The following ELMO2 variants were observed in gnomAD, a reference collection of about 807,000 sequenced individuals.
ELMO2 encodes engulfment and cell motility 2.
Under a neutral mutation model 96.2 loss-of-function variants are expected in ELMO2, and 37 were observed. That is an observed-to-expected ratio of 0.38 (90% CI 0.30 to 0.51). The LOEUF is 0.51. Among genes scored for constraint, ELMO2 ranks in the 20% least tolerant of loss-of-function variants. ELMO2 has a pLI of 0.88. For synonymous variants in ELMO2, 315 were observed against 329.4 expected (o/e 0.96, Z 0.47); for missense variants, 561 against 912.6 (o/e 0.61, Z 4.96).
rs139518627 is a variant in ELMO2, at chr20:46,382,264, C to A, written c.756+1152G>T. 3.0e-5 allele frequency: 39 copies of A among 1,289,776 alleles called. No homozygotes were observed. In the African/African-American group the frequency reaches 5.3e-4, roughly 18 times the overall value. 79.9% of individuals were successfully genotyped at this position (1,289,776 alleles called of 1,614,324 possible). On this transcript the variant is annotated intron_variant, in intron 10 of 21. Coordinates refer to ENST00000290246, the MANE Select transcript of ELMO2 (RefSeq NM_133171.5). ...GTCCTGCCGGCAGAAAGCAAAAGCA[C>A]AGAGAGAAGCAGACGGAATGAGCTT...
rs2059681429 is a variant in ELMO2, at chr20:46,370,520, C to T, written c.1807G>A (p.Val603Ile). The T allele has an allele frequency of 1.2e-6, 2 of 1,613,976 alleles. No homozygotes were observed. Among genetic ancestry groups the T allele is most frequent in the South Asian group, 1.1e-5 (1 of 91,072 alleles). The change falls in exon 20 of 22, where the codon GTT (valine) becomes ATT (isoleucine). Residue 603 changes from valine (V) to isoleucine (I), a missense_variant. By Grantham distance (29) the Val-to-Ile change is conservative (BLOSUM62 3). Transcript: ENST00000290246. The stretch of plus-strand genomic sequence containing the variant: ...GTGACAATGGCCTTAATGTCTGCAA[C>T]AGGAACTGATAAATGATGGGAATTA... ...TFESLQEKIP[V>I]ADIKAIVTGK...
At chr20:46,389,459 A>C (rs550254017) in intron 6 of ELMO2, among the ~76,000 whole-genome samples, 2 of 152,342 alleles carry the variant, frequency 1.3e-5, no homozygotes, top group Non-Finnish European at 2.9e-5. Context: ...TGGATTTAAA[A>C]AATTCCTACC....
Position 46,387,547 on chromosome 20 carries a change from A to G in ELMO2, c.426-110T>C, listed in dbSNP as rs1244513986. 5.2e-6 allele frequency: 4 copies of G among 772,452 alleles called. No homozygotes were observed. In the East Asian group the frequency reaches 1.1e-4, roughly 21 times the overall value. 47.8% of individuals were successfully genotyped at this position (772,452 alleles called of 1,614,324 possible). A position where few individuals can be genotyped will look rare whatever the true frequency, so the allele number is the denominator to read the frequency against. On this transcript the variant is annotated intron_variant, in intron 7 of 21. Coordinates refer to ENST00000290246, the MANE Select transcript of ELMO2 (RefSeq NM_133171.5). ...ATTTTAATGTGAACACCCCATGGGA[A>G]ATCAGTCGATGCAACTGTAACTGTA...
At chr20:46,373,196 C>T in intron 16 of ELMO2, 1 of 620,832 alleles carries the variant, frequency 1.6e-6, no homozygotes, top group Non-Finnish European at 2.7e-6. Context: ...GCCTACGGCA[C>T]CAAGTGGAAG....
rs1332323699 is a variant in ELMO2, at chr20:46,394,096, G to C, written c.79-7C>G. 8 of 1,589,260 alleles carry C rather than the reference G, an allele frequency of 5.0e-6. No individual in the cohort carries two copies. The highest frequency in any genetic ancestry group is 1.3e-5 in the African/African-American group (1 of 74,600). ...TGGATGCCAGGGGCCGTTTCTGAAA[G>C]AGAGAGAGAGAAAGCCTTCAACAGC... On this transcript the variant is annotated splice_polypyrimidine_tract_variant and splice_region_variant and intron_variant, in intron 3 of 21. Coordinates refer to ENST00000290246, the MANE Select transcript of ELMO2 (RefSeq NM_133171.5).
chr20:46,370,976 C>T (rs1394097015), intron 19 of ELMO2, among the ~76,000 whole-genome samples: 1 of 152,148 alleles, frequency 6.6e-6, no homozygotes, highest in Non-Finnish European at 1.5e-5. Context: ...GGCTATTATT[C>T]CCACTTTACA....
At chr20:46,406,190 C>A (rs930180139) in intron 1 of ELMO2, among the ~76,000 whole-genome samples, 1 of 152,062 alleles carries the variant, frequency 6.6e-6, no homozygotes, top group South Asian at 2.1e-4. Flanking sequence ...CTTCCCAGCC[C>A]TCTCCTTGCC....
intron 6 of ELMO2, among the ~76,000 whole-genome samples, chr20:46,391,210 G>A (rs1294747828): frequency 3.3e-5 from 5 of 152,202 alleles, no homozygotes; most frequent in African/African-American, 4.8e-5. Context: ...AGAAGAGGGG[G>A]AGGCAGAAGA....
chr20:46,368,893 CAT>C lies in ELMO2; in HGVS notation c.1958_1959del (p.Tyr653Ter). The C allele has an allele frequency of 6.2e-7, 1 of 1,614,022 alleles. No homozygotes were observed. The highest frequency in any genetic ancestry group is 8.5e-7 in the Non-Finnish European group (1 of 1,179,864). On this transcript the variant is annotated frameshift_variant, in exon 21 of 22. Coordinates refer to ENST00000290246, the MANE Select transcript of ELMO2 (RefSeq NM_133171.5). LOFTEE classifies it high-confidence loss of function. Reference sequence around the variant, plus strand: ...TAAGGCAGCGCCACACTGCTCACCTCATATTTATTAGGTGCGATGAAGTTTAA... The same window carrying C: ...TAAGGCAGCGCCACACTGCTCACCTCATTTATTAGGTGCGATGAAGTTTAA... ...ETLNFIAPNK[Y>X]EYCIWIDGLS...
Position 46,374,586 on chromosome 20 carries a change from A to G in ELMO2, c.1120T>C (p.Leu374=). 1 of 1,614,212 alleles carries G rather than the reference A, an allele frequency of 6.2e-7. No individual in the cohort carries two copies. The highest frequency in any genetic ancestry group is 8.5e-7 in the Non-Finnish European group (1 of 1,180,042). ...TTAGCCAAGTACAGCATGTTGTCCA[A>G]GGCCAGCATTCCAGGAGGAGTCTGG... ...FTQTPPGMLA[L]DNMLYLAKVH... The change falls in exon 14 of 22, where the codon TTG becomes CTG. Residue 374 remains leucine (L), a synonymous_variant. Coordinates refer to ENST00000290246, the MANE Select transcript of ELMO2 (RefSeq NM_133171.5).
At chr20:46,368,852 A>G (rs1487537238) in intron 21 of ELMO2, 39 bp downstream of exon 21, 59 of 1,609,238 alleles carry the variant, frequency 3.7e-5, no homozygotes, top group Non-Finnish European at 4.9e-5. Flanking sequence ...AGAGTTACAG[A>G]AATAGCTCTG....
chr20:46,369,328 G>T, intron 20 of ELMO2: 1 of 183,070 alleles, frequency 5.5e-6, no homozygotes. Context: ...ATTTGGCATA[G>T]GAATGTCTTA....
chr20:46,383,359 G>T, intron 10 of ELMO2, 57 bp downstream of exon 10: 1 of 1,497,870 alleles, frequency 6.7e-7, no homozygotes, highest in Non-Finnish European at 9.3e-7. Flanking sequence ...AGAGTGCATG[G>T]GGTGAGAATT....
In ELMO2 at chr20:46,375,500, C is replaced by A; in HGVS notation, c.931-130G>T. The A allele has an allele frequency of 6.8e-7, 1 of 1,480,106 alleles. No individual in the cohort carries two copies. The allele number at this position is 1,480,106 out of a possible 1,614,324, so 91.7% of individuals were successfully genotyped here. ...ATCCCTTAGGAGGCATCACCTCTAC[C>A]ACAGCAGGACAGAAATGGGCTTGGC... On this transcript the variant is annotated intron_variant, in intron 12 of 21. Transcript: ENST00000290246. The surrounding 1 kb of genome is among the most constrained non-coding windows in gnomAD (Gnocchi z 4.6).
At chr20:46,374,860 T>G (rs1455187464) in intron 13 of ELMO2, among the ~76,000 whole-genome samples, 1 of 152,208 alleles carries the variant, frequency 6.6e-6, no homozygotes. Flanking sequence ...CACATGCTGC[T>G]GCACACTGAG....
rs765755600 is a variant in ELMO2, at chr20:46,375,709, G to A, written c.889C>T (p.Leu297=). ...YVLQVLTFNL[L]EERMMTKMDP... is the part of the protein sequence containing the mutation. ...ATCTTGGTCATCATCCTTTCTTCCA[G>A]AAGGTTAAAGGTTAGGACTTGAAGG... Residue 297 remains leucine, a synonymous_variant, in exon 12 of 22, where the codon CTG becomes TTG. Transcript: ENST00000290246. This position sits in a 1 kb window ranked among gnomAD's most constrained non-coding sequence, Gnocchi z 4.6. 2.7e-5 allele frequency: 43 copies of A among 1,614,036 alleles called. No individual in the cohort carries two copies. Among genetic ancestry groups the A allele is most frequent in the Non-Finnish European group, 3.2e-5 (38 of 1,180,012 alleles).
At chr20:46,370,612 C>T in intron 19 of ELMO2, 87 bp from the exon 20 acceptor site, 1 of 1,264,586 alleles carries the variant, frequency 7.9e-7, no homozygotes, top group Non-Finnish European at 1.1e-6. Context: ...GGTACTGGGG[C>T]AGATGCATAG....
chr20:46,373,661 G>A, intron 15 of ELMO2, 126 bp from the exon 16 acceptor site: 1 of 1,235,522 alleles, frequency 8.1e-7, no homozygotes, highest in Non-Finnish European at 1.1e-6. Context: ...AATTAACAGG[G>A]AGCGTGGGAT....
At chr20:46,403,095 T>C (rs964124203) in intron 1 of ELMO2, among the ~76,000 whole-genome samples, 6 of 152,240 alleles carry the variant, frequency 3.9e-5, no homozygotes, top group Non-Finnish European at 8.8e-5. Context: ...AGCAGAATTC[T>C]AACCGTGTGA....
Sources: allele counts gnomAD v4.1 joint callset (sites outside exome capture counted in the v4.1 genomes callset), GRCh38; gene constraint gnomAD v4.1.1; non-coding constraint Gnocchi (gnomAD v3.1); transcripts MANE v1.5; gene names NCBI Gene and HGNC (gene_info 2026-07-23, HGNC 2026-07-21).